The following EFNB2 variants were observed in gnomAD, a reference collection of about 807,000 sequenced individuals.
EFNB2 encodes ephrin-B2.
Under a neutral mutation model 32.1 loss-of-function variants are expected in EFNB2, and 5 were observed. The ratio of observed to expected loss-of-function variants is 0.16; its 90% CI spans 0.08 to 0.33. EFNB2 has a LOEUF of 0.33. Among genes scored for constraint, EFNB2 ranks in the 10% least tolerant of loss-of-function variants. The probability of loss-of-function intolerance (pLI) is 1.00; values close to 1 mark genes in which losing one functional copy is unlikely to be tolerated. For synonymous variants in EFNB2, 168 were observed against 166.5 expected (o/e 1.01, Z -0.07); for missense variants, 263 against 422.6 (o/e 0.62, Z 3.31).
rs1229210562 is a variant in EFNB2, at chr13:106,535,029, AC to A, written c.-66del. 1.9e-6 allele frequency: 3 copies of A among 1,595,316 alleles called. No individual in the cohort carries two copies. Among genetic ancestry groups the A allele is most frequent in the Non-Finnish European group, 2.6e-6 (3 of 1,171,912 alleles). ...AGGGACTGACGGGACGCAGGCTGGG[AC>A]CCCCAATCCTCCGGGGCAGACTGGC... On this transcript the variant is annotated 5_prime_UTR_variant, in exon 1 of 5. Coordinates refer to ENST00000646441, the MANE Select transcript of EFNB2 (RefSeq NM_004093.4).
In EFNB2 at chr13:106,513,591, C is replaced by T. The variant is rs1594170282; in HGVS notation, c.123-779G>A. 2.6e-5 allele frequency among the ~76,000 whole-genome samples: 4 copies of T among 152,246 alleles called. 1 individual carries two copies. The highest frequency in any genetic ancestry group is 2.6e-4 in the Admixed American group (4 of 15,298). On this transcript the variant is annotated intron_variant, in intron 1 of 4. Transcript: ENST00000646441. The stretch of plus-strand genomic sequence containing the variant: ...ACTAAGACTACTGATACAATATCCC[C>T]TTAATGCTTATAGCTGAAAGCCTCC...
At chr13:106,495,063 T>G in intron 3 of EFNB2, 69 bp from the exon 4 acceptor site, 2 of 1,242,498 alleles carry the variant, frequency 1.6e-6, no homozygotes, top group Non-Finnish European at 1.2e-6. Context: ...GAGCTGCATA[T>G]ATATTTCAAC....
intron 1 of EFNB2, among the ~76,000 whole-genome samples, chr13:106,529,983 G>A (rs1317541954): frequency 6.6e-6 from 1 of 152,088 alleles, no homozygotes; most frequent in African/African-American, 2.4e-5. Context: ...TTTTGATTCG[G>A]AACTACAAAA....
chr13:106,531,988 G>A (rs1879885974), intron 1 of EFNB2, among the ~76,000 whole-genome samples: 1 of 150,334 alleles, frequency 6.7e-6, no homozygotes, highest in Admixed American at 6.6e-5. Flanking sequence ...TCTCCCTCTT[G>A]GAAGAAAATG....
At chr13:106,497,097 A>C (rs115866621) in intron 2 of EFNB2, among the ~76,000 whole-genome samples, 6 of 152,340 alleles carry the variant, frequency 3.9e-5, no homozygotes, top group African/African-American at 1.4e-4. Flanking sequence ...GTAGGTCAGC[A>C]AACAAGTTCT....
chr13:106,535,100 G>A lies in EFNB2; in HGVS notation c.-136C>T. On this transcript the variant is annotated 5_prime_UTR_variant, in exon 1 of 5. Transcript: ENST00000646441. ...CGCAGGCAGCTCCGAGGCGCGCTGC[G>A]CAGCTCCAGCGGTCGCCGGGCCAGG... is the stretch of plus-strand genomic sequence containing the variant. The A allele has an allele frequency of 1.7e-6, 2 of 1,203,646 alleles. No individual in the cohort carries two copies. The highest frequency in any genetic ancestry group is 1.7e-5 in the South Asian group (1 of 59,158). 74.6% of individuals were successfully genotyped at this position (1,203,646 alleles called of 1,614,324 possible). A position where few individuals can be genotyped will look rare whatever the true frequency, so the allele number is the denominator to read the frequency against.
rs988465781 is a variant in EFNB2, at chr13:106,491,935, T to C, written c.*1105A>G. 2.0e-5 allele frequency: 3 copies of C among 152,584 alleles called. No individual in the cohort carries two copies. The highest frequency in any genetic ancestry group is 2.9e-5 in the Non-Finnish European group (2 of 68,040). The allele number at this position is 152,584 out of a possible 1,614,324, so 9.5% of individuals were successfully genotyped here. Reference sequence around the variant, plus strand: ...GCAGCTGAGTCTGCTTAAAAAATCATCCAAAGCAGACCGACTCTCCTACAG... The same window carrying C: ...GCAGCTGAGTCTGCTTAAAAAATCACCCAAAGCAGACCGACTCTCCTACAG... On this transcript the variant is annotated 3_prime_UTR_variant, in exon 5 of 5. Coordinates refer to ENST00000646441, the MANE Select transcript of EFNB2 (RefSeq NM_004093.4).
chr13:106,534,865 A>G lies in EFNB2; in HGVS notation c.100T>C (p.Tyr34His), dbSNP rs757666661. Residue 34 changes from tyrosine (Y) to histidine (H), a missense_variant, in exon 1 of 5, where the codon TAT (tyrosine) becomes CAT (histidine). Coordinates refer to ENST00000646441, the MANE Select transcript of EFNB2 (RefSeq NM_004093.4). The stretch of plus-strand genomic sequence containing the variant: ...TACTTGGAGTTCGAGGAATTCCAAT[A>G]GATAGGCTCTAAAACTATCGATTTG... ...ISKSIVLEPI[Y>H]WNSSNSKFLP... 24 of 1,612,972 alleles carry G rather than the reference A, an allele frequency of 1.5e-5. No homozygotes were observed. The highest frequency in any genetic ancestry group is 2.7e-5 in the African/African-American group (2 of 74,826).
chr13:106,496,672 C>T (rs753255709), intron 2 of EFNB2, among the ~76,000 whole-genome samples: 1 of 150,928 alleles, frequency 6.6e-6, no homozygotes, highest in African/African-American at 2.4e-5. Flanking sequence ...GAAGGAAGGA[C>T]AGAATCATTT....
intron 1 of EFNB2, among the ~76,000 whole-genome samples, chr13:106,515,749 G>A (rs368185789): frequency 3.3e-5 from 5 of 152,174 alleles, no homozygotes; most frequent in South Asian, 2.1e-4. Context: ...GTTGAGCTGA[G>A]AGCCTGAACT....
At position 106,491,257 on chromosome 13, in the gene EFNB2, T is replaced by G. The variant is rs2138892507; in HGVS notation, c.*1783A>C. ...ATGCAGTCACATCGGCTTCCTGCTC[T>G]GTGGGGCTCGTACTTCCTAGTCTAC... On this transcript the variant is annotated 3_prime_UTR_variant, in exon 5 of 5. Coordinates refer to ENST00000646441, the MANE Select transcript of EFNB2 (RefSeq NM_004093.4). 1 of 152,764 alleles carries G rather than the reference T, an allele frequency of 6.5e-6. No homozygotes were observed. The highest frequency in any genetic ancestry group is 6.5e-5 in the Admixed American group (1 of 15,296). 9.5% of individuals were successfully genotyped at this position (152,764 alleles called of 1,614,324 possible). A position where few individuals can be genotyped will look rare whatever the true frequency, so the allele number is the denominator to read the frequency against.
In EFNB2 at chr13:106,512,682, G is replaced by T; in HGVS notation, c.253C>A (p.Gln85Lys). 6.2e-7 allele frequency: 1 copy of T among 1,613,712 alleles called. No individual in the cohort carries two copies. The highest frequency in any genetic ancestry group is 8.5e-7 in the Non-Finnish European group (1 of 1,179,928). ...TTCTTAATAGTGCATCTGTCTGCTTGGTCTTTATCAACCATATAAACTTTA... is the reference window on the plus strand; with the variant it reads ...TTCTTAATAGTGCATCTGTCTGCTTTGTCTTTATCAACCATATAAACTTTA... ...YYKVYMVDKD[Q>K]ADRCTIKKEN... The change falls in exon 2 of 5, where the codon CAA becomes AAA. Residue 85 changes from glutamine (Q) to lysine (K), a missense_variant. Transcript: ENST00000646441.
chr13:106,498,706 A>C (rs1161422103), intron 2 of EFNB2, among the ~76,000 whole-genome samples: 1 of 152,212 alleles, frequency 6.6e-6, no homozygotes, highest in African/African-American at 2.4e-5. Context: ...TTCAAGTCTT[A>C]GAGTTGAAGA....
intron 3 of EFNB2, among the ~76,000 whole-genome samples, 198 bp from the exon 4 acceptor site, chr13:106,495,192 G>C (rs755614701): frequency 6.6e-6 from 1 of 152,190 alleles, no homozygotes. Flanking sequence ...TAGAACGTGA[G>C]GCCATCTGTG....
Position 106,493,118 on chromosome 13 carries a change from G to A in EFNB2, c.924C>T (p.Ser308=), listed in dbSNP as rs141594061. The change falls in exon 5 of 5, where the codon AGC becomes AGT. Residue 308 remains serine, a synonymous_variant. Coordinates refer to ENST00000646441, the MANE Select transcript of EFNB2 (RefSeq NM_004093.4). The surrounding 1 kb of genome is among the most constrained non-coding windows in gnomAD (Gnocchi z 6.1). ...TGTACACCGGGTGCCCGTAGTCCCC[G>A]CTGACCTTCTCGTAGTGAGGGCAGA... ...SVFCPHYEKV[S]GDYGHPVYIV... is the part of the protein sequence containing the mutation. The A allele has an allele frequency of 8.1e-6, 13 of 1,613,956 alleles. No homozygotes were observed. The highest frequency in any genetic ancestry group is 1.6e-4 in the Middle Eastern group (1 of 6,062).
Position 106,512,886 on chromosome 13 carries a change from G to A in EFNB2, c.123-74C>T. On this transcript the variant is annotated intron_variant, in intron 1 of 4. Transcript: ENST00000646441. Reference sequence around the variant, plus strand: ...ATTAATGACAGTTACAAGATAGCCAGGCAATGCCCATAATCCCAAACTACA... The same window carrying A: ...ATTAATGACAGTTACAAGATAGCCAAGCAATGCCCATAATCCCAAACTACA... 4.6e-6 allele frequency: 6 copies of A among 1,303,954 alleles called. No homozygotes were observed. The South Asian group carries it at 1.1e-4, about 24-fold the overall frequency. 80.8% of individuals were successfully genotyped at this position (1,303,954 alleles called of 1,614,324 possible). A position where few individuals can be genotyped will look rare whatever the true frequency, so the allele number is the denominator to read the frequency against.
At chr13:106,511,208 A>G (rs1022939263) in intron 2 of EFNB2, among the ~76,000 whole-genome samples, 2 of 152,202 alleles carry the variant, frequency 1.3e-5, no homozygotes, top group African/African-American at 4.8e-5. Flanking sequence ...CTTACTAAGT[A>G]TATACTCTAC....
Position 106,492,917 on chromosome 13 carries a change from T to G in EFNB2, c.*123A>C. The G allele has an allele frequency of 1.5e-6, 2 of 1,301,850 alleles. No individual in the cohort carries two copies. Among genetic ancestry groups the G allele is most frequent in the Non-Finnish European group, 2.1e-6 (2 of 956,322 alleles). 80.6% of individuals were successfully genotyped at this position (1,301,850 alleles called of 1,614,324 possible). On this transcript the variant is annotated 3_prime_UTR_variant, in exon 5 of 5. Coordinates refer to ENST00000646441, the MANE Select transcript of EFNB2 (RefSeq NM_004093.4). The surrounding 1 kb of genome is among the most constrained non-coding windows in gnomAD (Gnocchi z 5.1). ...CGCGACGGGCTCTTCCGAGGAGGAG[T>G]GTCCCTCTCCCCCGGTGCTGTGCTT...
At chr13:106,523,632 AG>A (rs761605824) in intron 1 of EFNB2, among the ~76,000 whole-genome samples, 45 of 152,156 alleles carry the variant, frequency 3.0e-4, no homozygotes, top group Admixed American at 9.8e-4. Context: ...TGGAGTCAAG[AG>A]AACCCCAGGA....
Sources: gnomAD v4.1 joint callset for allele counts (sites outside exome capture counted in the v4.1 genomes callset) on GRCh38, gnomAD v4.1.1 for gene constraint, Gnocchi (gnomAD v3.1) non-coding constraint, MANE v1.5 for transcripts, NCBI Gene and HGNC (gene_info 2026-07-23, HGNC 2026-07-21) for gene names.